STK4: variants seen among roughly 807,000 people sequenced by gnomAD.
The protein encoded by STK4 is serine/threonine kinase 4, also known as serine/threonine-protein kinase 4.
A neutral mutation model predicts 64.9 loss-of-function variants in STK4; 30 were observed. The observed-to-expected ratio is 0.46, with a 90% CI of 0.35 to 0.63. The LOEUF is 0.63. Among genes scored for constraint, STK4 ranks in the 20% least tolerant of loss-of-function variants. STK4 has a pLI of 0.01. For synonymous variants in STK4, 177 were observed against 199.0 expected (o/e 0.89, Z 0.93); for missense variants, 466 against 598.5 (o/e 0.78, Z 2.31).
chr20:45,047,711 C>T (rs1401322255), intron 10 of STK4, among the ~76,000 whole-genome samples: 1 of 152,148 alleles, frequency 6.6e-6, no homozygotes, highest in Non-Finnish European at 1.5e-5. Context: ...TTCCCTTGAT[C>T]GAATTGGATA....
At chr20:45,008,189 G>C (rs558081060) in intron 9 of STK4, among the ~76,000 whole-genome samples, 5 of 152,046 alleles carry the variant, frequency 3.3e-5, no homozygotes, top group Non-Finnish European at 7.4e-5. Flanking sequence ...TGAGTAGCTG[G>C]GATTACAGGC....
At chr20:44,983,607 G>A (rs1484276354) in intron 4 of STK4, among the ~76,000 whole-genome samples, 1 of 152,140 alleles carries the variant, frequency 6.6e-6, no homozygotes, top group African/African-American at 2.4e-5. Context: ...GGGCAGCAGA[G>A]CAAGACTCTG....
chr20:44,975,375 A>G, intron 2 of STK4: 2 of 984,606 alleles, frequency 2.0e-6, no homozygotes, highest in Non-Finnish European at 1.2e-6. Context: ...CATGTGAGCT[A>G]TTGGAGTTTT....
chr20:44,990,521 G>A (rs1451855404), intron 5 of STK4, among the ~76,000 whole-genome samples: 2 of 151,938 alleles, frequency 1.3e-5, no homozygotes, highest in African/African-American at 4.8e-5. Flanking sequence ...CTGTTTGGTT[G>A]TGAAACCTCC....
At chr20:45,040,618 A>G (rs2068597822) in intron 10 of STK4, among the ~76,000 whole-genome samples, 1 of 148,832 alleles carries the variant, frequency 6.7e-6, no homozygotes, top group African/African-American at 2.5e-5. Context: ...TCTTGCTCCA[A>G]ACCTGGAAAC....
chr20:44,974,184 G>C (rs2067299606), intron 2 of STK4: 1 of 152,172 alleles, frequency 6.6e-6, no homozygotes, highest in Non-Finnish European at 1.5e-5. Context: ...CAAAGTGCTA[G>C]GATTAGAGAC....
chr20:45,031,254 C>A (rs1004329360), intron 10 of STK4, among the ~76,000 whole-genome samples: 2 of 151,626 alleles, frequency 1.3e-5, no homozygotes, highest in African/African-American at 4.9e-5. Context: ...GCTGAGACAT[C>A]AGTGAAGAGG....
At chr20:44,983,830 G>A (rs1286238864) in intron 4 of STK4, among the ~76,000 whole-genome samples, 1 of 152,164 alleles carries the variant, frequency 6.6e-6, no homozygotes, top group Non-Finnish European at 1.5e-5. Flanking sequence ...ATTATAAGGT[G>A]AGGGTGTTTT....
chr20:45,001,599 T>G (rs1448751161), intron 9 of STK4, among the ~76,000 whole-genome samples: 1 of 152,186 alleles, frequency 6.6e-6, no homozygotes, highest in Non-Finnish European at 1.5e-5. Flanking sequence ...AGAGCAGCCA[T>G]TTTCTCATTG....
At chr20:45,027,344 C>T (rs1002524646) in intron 10 of STK4, among the ~76,000 whole-genome samples, 18 of 149,868 alleles carry the variant, frequency 1.2e-4, no homozygotes, top group African/African-American at 3.9e-4. Context: ...GCAGGAGAAT[C>T]GCTTGAACCC....
intron 5 of STK4, among the ~76,000 whole-genome samples, chr20:44,988,462 A>G (rs1020211798): frequency 2.7e-5 from 4 of 149,982 alleles, no homozygotes; most frequent in African/African-American, 9.8e-5. Flanking sequence ...AGCCTGGGCA[A>G]CAGAGTGAGA....
chr20:45,001,231 G>A lies in STK4; in HGVS notation c.1025G>A (p.Arg342Gln), dbSNP rs201970002. Residue 342 changes from arginine to glutamine, a missense_variant, in exon 9 of 11, where the codon CGA (arginine) becomes CAA (glutamine). Arg to Gln is a conservative substitution (Grantham distance 43). Around this residue, in one of 2 missense-constraint regions of STK4, gnomAD observed 276 missense variants for 308.9 expected, o/e 0.89. Coordinates refer to ENST00000372806, the MANE Select transcript of STK4 (RefSeq NM_006282.5). The stretch of plus-strand genomic sequence containing the variant: ...GTGGGTGATGAGATGGGCACTGTCC[G>A]AGTAGCCAGCACCATGACTGATGGA... ...RAVGDEMGTV[R>Q]VASTMTDGAN... The A allele has an allele frequency of 1.9e-5, 31 of 1,614,028 alleles. No homozygotes were observed. The highest frequency in any genetic ancestry group is 2.7e-5 in the African/African-American group (2 of 74,926).
intron 10 of STK4, among the ~76,000 whole-genome samples, chr20:45,060,768 A>G (rs1284430964): frequency 1.3e-5 from 2 of 152,204 alleles, no homozygotes; most frequent in Non-Finnish European, 2.9e-5. Context: ...AAGTATCTCT[A>G]ATTAATGTTA....
At chr20:44,994,972 A>G (rs2067700145) in intron 5 of STK4, 118 bp from the exon 6 acceptor site, 3 of 883,386 alleles carry the variant, frequency 3.4e-6, no homozygotes, top group Non-Finnish European at 4.7e-6. Flanking sequence ...TATTGTTGGA[A>G]AAGCCTCTTT....
At chr20:45,049,523 AG>A (rs922793607) in intron 10 of STK4, among the ~76,000 whole-genome samples, 1 of 152,200 alleles carries the variant, frequency 6.6e-6, no homozygotes, top group African/African-American at 2.4e-5. Context: ...CTTTTAAAAC[AG>A]TTCCTGGGAT....
intron 10 of STK4, among the ~76,000 whole-genome samples, chr20:45,028,014 T>G (rs2068382048): frequency 6.6e-6 from 1 of 152,266 alleles, no homozygotes; most frequent in South Asian, 2.1e-4. Context: ...TATCCATTGA[T>G]GGACACTTGG....
chr20:44,994,899 A>G (rs1004940926), intron 5 of STK4, among the ~76,000 whole-genome samples, 191 bp from the exon 6 acceptor site: 1 of 151,260 alleles, frequency 6.6e-6, no homozygotes, highest in African/African-American at 2.4e-5. Context: ...AATTTCTTCT[A>G]TGCCTGCTTG....
rs1166094503 is a variant in STK4, at chr20:44,978,780, TG to T, written c.245+210del. On this transcript the variant is annotated intron_variant, in intron 3 of 10. Coordinates refer to ENST00000372806, the MANE Select transcript of STK4 (RefSeq NM_006282.5). ...TCCGTAATTTTTATGCATGGTGTTT[TG>T]TTTTTTTTTTTCAATTTTTCTTTTT... Among the ~76,000 whole-genome samples, 629 of 151,132 alleles carry T rather than the reference TG, an allele frequency of 4.2e-3. 2 individuals are homozygous for T. Among genetic ancestry groups the T allele is most frequent in the African/African-American group, 0.014 (581 of 40,782 alleles).
In STK4 at chr20:45,061,398, G is replaced by A. The variant is rs75981324; in HGVS notation, c.1306-13620G>A. 2.8e-3 allele frequency among the ~76,000 whole-genome samples: 427 copies of A among 152,132 alleles called. 15 individuals are homozygous for A. The East Asian group carries it at 0.069, about 25-fold the overall frequency. On this transcript the variant is annotated intron_variant, in intron 10 of 10. Coordinates refer to ENST00000372806, the MANE Select transcript of STK4 (RefSeq NM_006282.5). ...ACAATTCATGAATTTTAAATTATGCGTCATCCTGAGTAGTATGAGGAAACC... is the reference window on the plus strand; with the variant it reads ...ACAATTCATGAATTTTAAATTATGCATCATCCTGAGTAGTATGAGGAAACC...
Sources: gnomAD v4.1 joint callset for allele counts (sites outside exome capture counted in the v4.1 genomes callset) on GRCh38, gnomAD v4.1.1 for gene constraint, gnomAD v4.1.1 regional missense constraint, MANE v1.5 for transcripts, NCBI Gene and HGNC (gene_info 2026-07-23, HGNC 2026-07-21) for gene names.